Variants in RAD51B observed in about 807,000 individuals in gnomAD.
RAD51B encodes RAD51 paralog B, also known as DNA repair protein RAD51 homolog 2.
Under a neutral mutation model 42.2 loss-of-function variants are expected in RAD51B, and 38 were observed. The ratio of observed to expected loss-of-function variants is 0.90; its 90% confidence interval spans 0.70 to 1.18. The LOEUF (loss-of-function observed/expected upper bound fraction) is 1.18. Ranked by LOEUF, RAD51B falls within the 50% of genes most tolerant of loss-of-function variation. RAD51B has a pLI of 0.00. For synonymous variants in RAD51B, 154 were observed against 145.2 expected (o/e 1.06, Z -0.43); for missense variants, 373 against 400.7 (o/e 0.93, Z 0.59).
intron 9 of RAD51B, among the ~76,000 whole-genome samples, chr14:68,435,655 A>G (rs2085130079): frequency 1.3e-5 from 2 of 151,974 alleles, no homozygotes; most frequent in African/African-American, 4.8e-5. Context: ...GTGTATGAGC[A>G]TTTTCTTCTC....
At chr14:68,018,830 T>A (rs1307031179) in intron 7 of RAD51B, among the ~76,000 whole-genome samples, 8 of 152,190 alleles carry the variant, frequency 5.3e-5, no homozygotes, top group Non-Finnish European at 1.2e-4. Flanking sequence ...GTATAATGAA[T>A]GGGTAATGGA....
intron 7 of RAD51B, among the ~76,000 whole-genome samples, chr14:68,007,464 T>C (rs2075609685): frequency 6.6e-6 from 1 of 152,090 alleles, no homozygotes; most frequent in South Asian, 2.1e-4. Context: ...AGCTGCACCA[T>C]TAGCACTGTG....
chr14:68,536,935 G>C (rs1239960595), intron 10 of RAD51B, among the ~76,000 whole-genome samples: 1 of 151,224 alleles, frequency 6.6e-6, no homozygotes, highest in Non-Finnish European at 1.5e-5. Context: ...GAAAAAATTA[G>C]CTGGGTGTGG....
intron 7 of RAD51B, among the ~76,000 whole-genome samples, chr14:68,135,628 C>T (rs1369047179): frequency 6.6e-6 from 1 of 152,182 alleles, no homozygotes; most frequent in Non-Finnish European, 1.5e-5. Context: ...ATCCTTACTT[C>T]CCATCTTCTG....
chr14:68,384,294 G>A (rs905664202), intron 8 of RAD51B, among the ~76,000 whole-genome samples: 4 of 151,974 alleles, frequency 2.6e-5, no homozygotes, highest in Non-Finnish European at 4.4e-5. Context: ...TTGTTTACGT[G>A]GTTGGAACTT....
intron 7 of RAD51B, among the ~76,000 whole-genome samples, chr14:68,208,549 G>A (rs1451606243): frequency 6.6e-6 from 1 of 152,174 alleles, no homozygotes; most frequent in Non-Finnish European, 1.5e-5. Flanking sequence ...AAACAATAAA[G>A]GGTTTAATTT....
At chr14:68,495,708 T>C (rs551544163) in intron 10 of RAD51B, among the ~76,000 whole-genome samples, 5 of 152,274 alleles carry the variant, frequency 3.3e-5, no homozygotes, top group African/African-American at 1.2e-4. Context: ...ACCAGGAGAA[T>C]CAAACCTGTC....
chr14:67,826,583 A>G (rs1000281988), intron 3 of RAD51B, among the ~76,000 whole-genome samples: 5 of 152,204 alleles, frequency 3.3e-5, no homozygotes, highest in African/African-American at 1.2e-4. Context: ...ACACTGAACA[A>G]TGAAGTACAA....
intron 9 of RAD51B, among the ~76,000 whole-genome samples, chr14:68,431,342 G>T (rs945644297): frequency 6.6e-6 from 1 of 152,162 alleles, no homozygotes; most frequent in Non-Finnish European, 1.5e-5. Context: ...GCTCCTTCTT[G>T]TACCTCTGGT....
At chr14:68,343,502 A>G (rs2082612314) in intron 8 of RAD51B, among the ~76,000 whole-genome samples, 1 of 152,238 alleles carries the variant, frequency 6.6e-6, no homozygotes, top group African/African-American at 2.4e-5. Context: ...TTAAAGTTGG[A>G]ACTTACATTT....
At chr14:68,064,758 G>T (rs1481047080) in intron 7 of RAD51B, among the ~76,000 whole-genome samples, 1 of 151,854 alleles carries the variant, frequency 6.6e-6, no homozygotes, top group Non-Finnish European at 1.5e-5. Context: ...CTGTTATTGA[G>T]ATTTTTCTGT....
chr14:68,653,959 C>G (rs965657030), intron 11 of RAD51B, among the ~76,000 whole-genome samples: 1 of 152,198 alleles, frequency 6.6e-6, no homozygotes, highest in Non-Finnish European at 1.5e-5. Context: ...GGGGGCTGGC[C>G]CCAGTGTCTA....
At chr14:68,293,317 G>T (rs779695306) in intron 8 of RAD51B, among the ~76,000 whole-genome samples, 3 of 152,012 alleles carry the variant, frequency 2.0e-5, no homozygotes, top group Non-Finnish European at 4.4e-5. Context: ...CATATTTAGG[G>T]ATTTGGGATT....
At chr14:68,587,119 T>C (rs1346351918) in intron 10 of RAD51B, among the ~76,000 whole-genome samples, 1 of 152,050 alleles carries the variant, frequency 6.6e-6, no homozygotes, top group Non-Finnish European at 1.5e-5. Context: ...TCCAGCACAG[T>C]GCCTGCGCAT....
At chr14:68,391,744 C>T (rs1019425047) in intron 8 of RAD51B, among the ~76,000 whole-genome samples, 1 of 152,044 alleles carries the variant, frequency 6.6e-6, no homozygotes, top group African/African-American at 2.4e-5. Context: ...GAAAAGCAAG[C>T]AAACTTGTTG....
intron 8 of RAD51B, among the ~76,000 whole-genome samples, chr14:68,293,369 G>C (rs2081551741): frequency 6.6e-6 from 1 of 152,060 alleles, no homozygotes; most frequent in African/African-American, 2.4e-5. Context: ...TTTATACCAT[G>C]GAAATCAGCA....
chr14:68,559,161 G>A (rs1192888098), intron 10 of RAD51B, among the ~76,000 whole-genome samples: 1 of 151,442 alleles, frequency 6.6e-6, no homozygotes, highest in African/African-American at 2.4e-5. Context: ...CCATATATAT[G>A]TGTCTATAGA....
intron 9 of RAD51B, among the ~76,000 whole-genome samples, chr14:68,450,107 G>A (rs1276753803): frequency 3.3e-5 from 5 of 151,206 alleles, no homozygotes; most frequent in Non-Finnish European, 5.9e-5. Context: ...AGGTTGCTGT[G>A]TGTCATTCCA....
intron 8 of RAD51B, among the ~76,000 whole-genome samples, chr14:68,302,636 C>T (rs981600998): frequency 3.9e-5 from 6 of 152,098 alleles, no homozygotes; most frequent in Admixed American, 2.6e-4. Context: ...ATGAGAGCCC[C>T]AAACAGAGAT....
Sources: allele counts gnomAD v4.1 joint callset (sites outside exome capture counted in the v4.1 genomes callset), GRCh38; gene constraint gnomAD v4.1.1; transcripts MANE v1.5; gene names NCBI Gene and HGNC (gene_info 2026-07-23, HGNC 2026-07-21).